The following ITIH3 variants were observed in gnomAD, a reference collection of about 807,000 sequenced individuals.
ITIH3 encodes the protein inter-alpha-trypsin inhibitor heavy chain 3.
In ITIH3, 81 loss-of-function variants were observed where a neutral mutation model predicts 96.5. That is an observed-to-expected ratio of 0.84 (90% CI 0.70 to 1.01). The LOEUF is 1.01. ITIH3 is among the 50% of genes least tolerant of loss of function. The pLI is 0.00. For synonymous variants in ITIH3, 422 were observed against 445.2 expected (o/e 0.95, Z 0.66); for missense variants, 1,057 against 1,139.3 (o/e 0.93, Z 1.04).
chr3:52,808,251 G>C, intron 21 of ITIH3, 30 bp downstream of exon 21: 1 of 1,555,770 alleles, frequency 6.4e-7, no homozygotes, highest in Non-Finnish European at 8.9e-7. Flanking sequence ...ACCCTCACCT[G>C]CTCAGCAACG....
At chr3:52,805,013 TA>T in intron 15 of ITIH3, 2 of 482,584 alleles carry the variant, frequency 4.1e-6, no homozygotes. Flanking sequence ...GTCAGTCATT[TA>T]TACTTCATTA....
chr3:52,805,623 C>T (rs1700008360), intron 15 of ITIH3, 185 bp from the exon 16 acceptor site: 1 of 1,408,624 alleles, frequency 7.1e-7, no homozygotes, highest in Admixed American at 3.1e-5. Context: ...TGCCACCAGC[C>T]CCATAAAGGG....
chr3:52,804,896 C>G (rs1699982013), intron 15 of ITIH3, 162 bp downstream of exon 15: 3 of 740,090 alleles, frequency 4.1e-6, no homozygotes. Context: ...GTGCCCCTCT[C>G]TGAGCCTGAG....
intron 21 of ITIH3, 63 bp downstream of exon 21, chr3:52,808,284 G>A: frequency 7.2e-7 from 1 of 1,381,940 alleles, no homozygotes. Flanking sequence ...AGCACCTGCA[G>A]CCCAGGCACA....
At chr3:52,799,153 GC>G in intron 7 of ITIH3, 62 bp downstream of exon 7, 1 of 1,581,706 alleles carries the variant, frequency 6.3e-7, no homozygotes, top group Non-Finnish European at 8.6e-7. Context: ...GGGGGCTGCA[GC>G]TGGATCTAGT....
chr3:52,796,986 AG>A, intron 4 of ITIH3, 118 bp from the exon 5 acceptor site: 1 of 1,304,862 alleles, frequency 7.7e-7, no homozygotes, highest in Non-Finnish European at 1.1e-6. Context: ...GGCTGAGGCA[AG>A]TGAGGCTCAG....
chr3:52,798,089 G>A (rs533443123), intron 6 of ITIH3, among the ~76,000 whole-genome samples, 159 bp downstream of exon 6: 8 of 152,204 alleles, frequency 5.3e-5, no homozygotes, highest in African/African-American at 1.9e-4. Context: ...TTGCCCACTG[G>A]GGTTGGGAGT....
Position 52,797,087 on chromosome 3 carries a change from A to G in ITIH3, c.387-18A>G, listed in dbSNP as rs755080830. The G allele has an allele frequency of 2.5e-6, 4 of 1,604,316 alleles. No individual in the cohort carries two copies. The highest frequency in any genetic ancestry group is 2.2e-5 in the East Asian group (1 of 44,594). On this transcript the variant is annotated intron_variant, in intron 4 of 21. Coordinates refer to ENST00000449956, the MANE Select transcript of ITIH3 (RefSeq NM_002217.4). ...TCCTGCAGTCTTTGAGGGAGTCACC[A>G]TCTCGCACCCTGGTCAGGGCCTCTG...
At chr3:52,799,304 C>A in intron 7 of ITIH3, 68 bp from the exon 8 acceptor site, 3 of 1,291,760 alleles carry the variant, frequency 2.3e-6, no homozygotes, top group Non-Finnish European at 2.2e-6. Context: ...CTGGCTTCTA[C>A]CTGCAAGAAT....
intron 15 of ITIH3, chr3:52,805,554 A>T: frequency 1.5e-6 from 2 of 1,324,936 alleles, no homozygotes; most frequent in Non-Finnish European, 1.9e-6. Context: ...AGATGACTTA[A>T]TGGCTTGCAT....
At position 52,808,057 on chromosome 3, in the gene ITIH3, C is replaced by T. The variant is rs545710395; in HGVS notation, c.2432-53C>T. The T allele has an allele frequency of 3.1e-5, 50 of 1,591,418 alleles. 1 individual carries two copies. The highest frequency in any genetic ancestry group is 2.7e-4 in the African/African-American group (20 of 74,646). On this transcript the variant is annotated intron_variant, in intron 20 of 21. Transcript: ENST00000449956. ...ATCAACCCTGAAAGGCCAGTGGCCA[C>T]GTTACCCGTGGCAATGGCCAGGGGC...
Position 52,794,796 on chromosome 3 carries a change from A to G in ITIH3, c.-8A>G. The G allele has an allele frequency of 6.2e-7, 1 of 1,612,786 alleles. No homozygotes were observed. Among genetic ancestry groups the G allele is most frequent in the East Asian group, 2.2e-5 (1 of 44,870 alleles). ...TAAGGAGCGTGGGCCAGGCCTGAGTATTCAGCGATGGCATTTGCATGGTGG... is the reference window on the plus strand; with the variant it reads ...TAAGGAGCGTGGGCCAGGCCTGAGTGTTCAGCGATGGCATTTGCATGGTGG... On this transcript the variant is annotated 5_prime_UTR_variant, in exon 1 of 22. Transcript: ENST00000449956.
At chr3:52,804,527 A>C in intron 14 of ITIH3, 199 bp from the exon 15 acceptor site, 2 of 585,162 alleles carry the variant, frequency 3.4e-6, no homozygotes, top group Non-Finnish European at 6.3e-6. Context: ...ATGGGAGGCA[A>C]AGAGCTGGGC....
chr3:52,795,330 T>C (rs756626174), intron 1 of ITIH3, among the ~76,000 whole-genome samples: 6 of 151,520 alleles, frequency 4.0e-5, no homozygotes, highest in Non-Finnish European at 5.9e-5. Flanking sequence ...GCATGTAGGG[T>C]GTGAAGAGAG....
chr3:52,800,901 A>G, intron 10 of ITIH3, 64 bp from the exon 11 acceptor site: 3 of 1,594,982 alleles, frequency 1.9e-6, no homozygotes, highest in African/African-American at 2.7e-5. Flanking sequence ...GTCTCCCCAG[A>G]CAGAGCTGGT....
Position 52,802,769 on chromosome 3 carries a change from T to A in ITIH3, c.1672T>A (p.Trp558Arg). 1.2e-6 allele frequency: 2 copies of A among 1,614,008 alleles called. No homozygotes were observed. The highest frequency in any genetic ancestry group is 1.7e-6 in the Non-Finnish European group (2 of 1,179,876). Reference protein sequence around the residue: ...YIFGNYIERLWAYLTIEQLLE... With the variant: ...YIFGNYIERLRAYLTIEQLLE... ...CTTCGGGAATTACATTGAGCGGCTC[T>A]GGGCCTACCTCACCATTGAGCAGCT... is the stretch of plus-strand genomic sequence containing the variant. The change falls in exon 13 of 22, where the codon TGG (tryptophan) becomes AGG (arginine). Residue 558 changes from tryptophan (W) to arginine (R), a missense_variant. By Grantham distance (101) the Trp-to-Arg change is moderately radical (BLOSUM62 -3). Coordinates refer to ENST00000449956, the MANE Select transcript of ITIH3 (RefSeq NM_002217.4).
intron 11 of ITIH3, chr3:52,802,075 C>T (rs1354403179): frequency 8.9e-6 from 4 of 447,682 alleles, no homozygotes; most frequent in South Asian, 3.6e-5. Flanking sequence ...GTGCTAAGAA[C>T]TCTGTCCTTT....
In ITIH3 at chr3:52,805,990, A is replaced by G. The variant is rs923912565; in HGVS notation, c.1907-113A>G. ...GATTGCGGGGTGGGAGGGCAATGGC[A>G]TTAGCGAGCGGGAAGGGGAGGGGAG... On this transcript the variant is annotated intron_variant, in intron 16 of 21. Transcript: ENST00000449956. The G allele has an allele frequency of 1.1e-4, 162 of 1,459,172 alleles. 2 individuals are homozygous for G. In the South Asian group the frequency reaches 1.9e-3, roughly 17 times the overall value. 90.4% of individuals were successfully genotyped at this position (1,459,172 alleles called of 1,614,324 possible). A position where few individuals can be genotyped will look rare whatever the true frequency, so the allele number is the denominator to read the frequency against.
chr3:52,798,710 C>A (rs1699690841), intron 6 of ITIH3: 1 of 518,080 alleles, frequency 1.9e-6, no homozygotes, highest in Non-Finnish European at 3.5e-6. Flanking sequence ...CAGCCAGGAG[C>A]CCTGATCTCC....
Sources: allele counts gnomAD v4.1 joint callset (sites outside exome capture counted in the v4.1 genomes callset), GRCh38; gene constraint gnomAD v4.1.1; transcripts MANE v1.5; gene names NCBI Gene and HGNC (gene_info 2026-07-23, HGNC 2026-07-21).